Variants in SLC6A14 observed in about 807,000 individuals in gnomAD.
The protein encoded by SLC6A14 is solute carrier family 6 member 14, also known as sodium- and chloride-dependent neutral and basic amino acid transporter B(0+).
Under a neutral mutation model 51.4 loss-of-function variants are expected in SLC6A14, and 21 were observed. The ratio of observed to expected loss-of-function variants is 0.41; its 90% CI spans 0.29 to 0.59. The LOEUF (loss-of-function observed/expected upper bound fraction) is 0.59. Ranked by LOEUF, SLC6A14 falls within the 20% of genes least tolerant of loss-of-function variation. The probability of loss-of-function intolerance (pLI) is 0.31; values close to 1 mark genes in which losing one functional copy is unlikely to be tolerated. For missense variants in SLC6A14, 371 were observed against 472.8 expected (o/e 0.78, Z 2.00); for synonymous variants, 177 against 160.7 (o/e 1.10, Z -0.77).
Position 116,458,915 on chromosome X carries a change from A to G in SLC6A14, c.1889A>G (p.His630Arg), listed in dbSNP as rs201896167. The G allele has an allele frequency of 1.7e-6, 2 of 1,201,792 alleles. No individual in the cohort carries two copies. Among genetic ancestry groups the G allele is most frequent in the East Asian group, 3.0e-5 (1 of 33,463 alleles). ...DMVDPKKEAD[H>R]EIPTVSGSRK... ...GTAGATCCTAAAAAAGAGGCTGACC[A>G]TGAAATACCTACTGTTAGTGGCAGC... is the stretch of plus-strand genomic sequence containing the variant. The change falls in exon 14 of 14, where the codon CAT (histidine) becomes CGT (arginine). Residue 630 changes from histidine (H) to arginine (R), a missense_variant. Around this residue, in one of 2 missense-constraint regions of SLC6A14, gnomAD observed 94 missense variants for 81.0 expected, o/e 1.16. Coordinates refer to ENST00000598581, the MANE Select transcript of SLC6A14 (RefSeq NM_007231.5).
At chrX:116,439,622 T>C (rs5952099) in intron 2 of SLC6A14, among the ~76,000 whole-genome samples, 4,586 of 111,330 alleles carry the variant, frequency 0.041, 226 homozygotes, top group African/African-American at 0.14. Context: ...AATAATATAA[T>C]AGGTGAAAAG....
intron 7 of SLC6A14, among the ~76,000 whole-genome samples, chrX:116,450,245 A>G (rs782590211): frequency 7.2e-5 from 8 of 111,858 alleles, no homozygotes; most frequent in Middle Eastern, 4.6e-3. Context: ...AAAAAAATCA[A>G]CATATATAAT....
intron 3 of SLC6A14, among the ~76,000 whole-genome samples, chrX:116,442,292 G>A (rs1556693731): frequency 8.9e-6 from 1 of 112,164 alleles, no homozygotes; most frequent in African/African-American, 3.2e-5. Flanking sequence ...TAGAGACAGA[G>A]TCTCACTCTG....
intron 7 of SLC6A14, among the ~76,000 whole-genome samples, chrX:116,451,055 A>T (rs1243532874): frequency 8.9e-6 from 1 of 112,869 alleles, no homozygotes. Context: ...CAAAGTGGAC[A>T]TTTTATATAG....
intron 5 of SLC6A14, 118 bp from the exon 6 acceptor site, chrX:116,444,800 A>G: frequency 1.4e-6 from 1 of 719,578 alleles, no homozygotes; most frequent in East Asian, 3.5e-5. Flanking sequence ...GAACTTTGAT[A>G]TATTAATAAG....
At chrX:116,450,185 A>G (rs1556694317) in intron 7 of SLC6A14, among the ~76,000 whole-genome samples, 3 of 111,698 alleles carry the variant, frequency 2.7e-5, no homozygotes, top group African/African-American at 9.8e-5. Flanking sequence ...GGTTCATCAA[A>G]GGACACAATG....
rs1260287721 is a variant in SLC6A14 at position 116,461,344 on chromosome X, A to G, written c.*2389A>G. The G allele has an allele frequency of 7.8e-6, 1 of 128,269 alleles. No individual in the cohort carries two copies. Among genetic ancestry groups the G allele is most frequent in the Non-Finnish European group, 1.6e-5 (1 of 63,950 alleles). The allele number at this position is 128,269 out of a possible 1,213,427, so 10.6% of individuals were successfully genotyped here. On this transcript the variant is annotated 3_prime_UTR_variant, in exon 14 of 14. Coordinates refer to ENST00000598581, the MANE Select transcript of SLC6A14 (RefSeq NM_007231.5). ...TCATTCTACATAATGGAAAACATTT[A>G]CATCAAATCCCACTTACTTTAATGC... is the stretch of plus-strand genomic sequence containing the variant.
At chrX:116,455,509 T>A (rs1346885214) in intron 12 of SLC6A14, 43 bp downstream of exon 12, 3 of 807,176 alleles carry the variant, frequency 3.7e-6, no homozygotes, top group Non-Finnish European at 5.5e-6. Context: ...ATAATACATA[T>A]GTTCTAAGAT....
intron 2 of SLC6A14, among the ~76,000 whole-genome samples, chrX:116,440,231 G>A (rs191959561): frequency 1.3e-4 from 15 of 112,025 alleles, no homozygotes; most frequent in Non-Finnish European, 1.9e-5. Flanking sequence ...GGATGGGGGA[G>A]GTGAATTGTC....
chrX:116,451,732 A>G, intron 8 of SLC6A14, 62 bp downstream of exon 8: 1 of 650,560 alleles, frequency 1.5e-6, no homozygotes, highest in African/African-American at 2.2e-5. Context: ...ATGAAACTCC[A>G]ATAGAATTTA....
chrX:116,457,922 C>T (rs1225669370), intron 13 of SLC6A14, 146 bp downstream of exon 13: 10 of 446,628 alleles, frequency 2.2e-5, no homozygotes, highest in African/African-American at 2.2e-4. Context: ...CTGACACAGT[C>T]ATCTGTTACT....
At chrX:116,453,767 A>G (rs538226059) in intron 9 of SLC6A14, among the ~76,000 whole-genome samples, 1 of 111,526 alleles carries the variant, frequency 9.0e-6, no homozygotes, top group Admixed American at 9.6e-5. Context: ...TGACTAGAGA[A>G]ATTCTGAAAC....
At chrX:116,440,932 TA>T (rs1556693619) in intron 2 of SLC6A14, 33 bp from the exon 3 acceptor site, 2 of 1,203,884 alleles carry the variant, frequency 1.7e-6, no homozygotes, top group Non-Finnish European at 2.2e-6. Context: ...CTTCGAGCTG[TA>T]ATAGTGCTTT....
rs1556694885 is a variant in SLC6A14 at position 116,457,777 on chromosome X, G to A, written c.1782+1G>A. 1 of 1,167,317 alleles carries A rather than the reference G, an allele frequency of 8.6e-7. No individual in the cohort carries two copies. Among genetic ancestry groups the A allele is most frequent in the Admixed American group, 2.2e-5 (1 of 45,328 alleles). ...TCAGGCTAAAGGAAACATCTTTCAA[G>A]TGAGTGCATTAAAATTGTTTATACT... On this transcript the variant is annotated splice_donor_variant, in intron 13 of 13. Coordinates refer to ENST00000598581, the MANE Select transcript of SLC6A14 (RefSeq NM_007231.5). LOFTEE classifies it high-confidence loss of function.
chrX:116,455,299 T>TA, intron 11 of SLC6A14, 58 bp from the exon 12 acceptor site: 2 of 945,965 alleles, frequency 2.1e-6, no homozygotes, highest in Non-Finnish European at 3.0e-6. Context: ...ATTGATGCCA[T>TA]AATGGTTACT....
intron 7 of SLC6A14, among the ~76,000 whole-genome samples, chrX:116,450,406 T>C (rs1373657033): frequency 9.0e-6 from 1 of 111,125 alleles, no homozygotes; most frequent in Non-Finnish European, 1.9e-5. Context: ...GGCGGAGGAA[T>C]GGGAACCCTC....
chrX:116,458,917 G>A lies in SLC6A14; in HGVS notation c.1891G>A (p.Glu631Lys). The change falls in exon 14 of 14, where the codon GAA (glutamate) becomes AAA (lysine). Residue 631 changes from glutamate (E) to lysine (K), a missense_variant. By Grantham distance (56) the Glu-to-Lys change is moderately conservative (BLOSUM62 1). Transcript: ENST00000598581. ...MVDPKKEADH[E>K]IPTVSGSRKP... is the part of the protein sequence containing the mutation. ...AGATCCTAAAAAAGAGGCTGACCAT[G>A]AAATACCTACTGTTAGTGGCAGCAG... is the stretch of plus-strand genomic sequence containing the variant. The A allele has an allele frequency of 8.3e-7, 1 of 1,202,608 alleles. No homozygotes were observed. The highest frequency in any genetic ancestry group is 3.0e-5 in the East Asian group (1 of 33,494).
At chrX:116,449,649 G>A (rs1927783810) in intron 7 of SLC6A14, among the ~76,000 whole-genome samples, 1 of 111,690 alleles carries the variant, frequency 9.0e-6, no homozygotes, top group South Asian at 3.7e-4. Flanking sequence ...GAAGTGAAGA[G>A]GACTTGTCCT....
intron 9 of SLC6A14, among the ~76,000 whole-genome samples, chrX:116,453,580 A>G (rs1201546399): frequency 9.0e-6 from 1 of 111,428 alleles, no homozygotes; most frequent in Admixed American, 9.6e-5. Flanking sequence ...TTGTTTTTGC[A>G]TTGATTATGA....
Sources: allele counts gnomAD v4.1 joint callset (sites outside exome capture counted in the v4.1 genomes callset), GRCh38; gene constraint gnomAD v4.1.1; regional missense constraint gnomAD v4.1.1; transcripts MANE v1.5; gene names NCBI Gene and HGNC (gene_info 2026-07-23, HGNC 2026-07-21).